The following CYRIB variants were observed in gnomAD, a reference collection of about 807,000 sequenced individuals.
The protein encoded by CYRIB is CYFIP-related Rac1 interactor B.
In CYRIB, 8 loss-of-function variants were observed where a neutral mutation model predicts 44.2. The ratio of observed to expected loss-of-function variants is 0.18; its 90% confidence interval spans 0.11 to 0.33. CYRIB has a LOEUF of 0.33. Among genes scored for constraint, CYRIB ranks in the 10% least tolerant of loss-of-function variants. The pLI, the probability that CYRIB is intolerant of heterozygous loss-of-function variation, is 1.00. For synonymous variants in CYRIB, 131 were observed against 127.2 expected, an observed-to-expected ratio of 1.03 and a Z score of -0.20; for missense variants, 185 against 382.8, an observed-to-expected ratio of 0.48 and a Z score of 4.31.
intron 1 of CYRIB, among the ~76,000 whole-genome samples, chr8:129,928,424 T>C (rs992213427): frequency 2.7e-5 from 4 of 149,730 alleles, no homozygotes; most frequent in African/African-American, 7.4e-5. Context: ...ATACAAAATA[T>C]ATAAAGAACT....
chr8:129,871,180 T>C (rs1294880478), intron 4 of CYRIB, among the ~76,000 whole-genome samples, 195 bp downstream of exon 6: 2 of 152,218 alleles, frequency 1.3e-5, no homozygotes, highest in African/African-American at 4.8e-5. Context: ...TTACAAAAAC[T>C]ACCTATTTAT....
chr8:129,935,303 T>C (rs1455582800), intron 1 of CYRIB, among the ~76,000 whole-genome samples: 1 of 152,228 alleles, frequency 6.6e-6, no homozygotes, highest in Non-Finnish European at 1.5e-5. Context: ...TGGTCCCCAA[T>C]CTTTTTGGGA....
chr8:129,880,299 G>T, intron 2 of CYRIB: 1 of 734,664 alleles, frequency 1.4e-6, no homozygotes, highest in Non-Finnish European at 1.7e-6. Context: ...ATTCTGGCTG[G>T]CCTTCACTGT....
chr8:129,841,410 AACAT>A (rs1357218990), exon 12 of CYRIB: 4 of 152,636 alleles, frequency 2.6e-5, no homozygotes, highest in Middle Eastern at 3.2e-3. Context: ...ATTCCATAAA[AACAT>A]ACATGGGGAA....
intron 1 of CYRIB, among the ~76,000 whole-genome samples, chr8:129,936,670 T>C (rs2092846278): frequency 6.6e-6 from 1 of 151,154 alleles, no homozygotes; most frequent in South Asian, 2.1e-4. Flanking sequence ...CACCCAAAGA[T>C]CTCAAAGCAA....
rs562853752 is a variant in CYRIB at position 130,008,092 on chromosome 8, C to T, written c.-296+8278G>A. Among the ~76,000 whole-genome samples the T allele has an allele frequency of 5.9e-5, 9 of 152,082 alleles. No homozygotes were observed. In the South Asian group the frequency reaches 1.9e-3, roughly 32 times the overall value. ...GGTATGGTTGCGGGCGCCTGTAGTC[C>T]CAGCTACTCGGGAGGCTGAGGCAGG... On this transcript the variant is annotated intron_variant, in intron 1 of 14. Transcript: ENST00000401979.
At chr8:129,945,671 C>T (rs554106954) in intron 2 of CYRIB, among the ~76,000 whole-genome samples, 1 of 152,276 alleles carries the variant, frequency 6.6e-6, no homozygotes, top group South Asian at 2.1e-4. Context: ...CGAGTTCAAG[C>T]GACTTTCCTG....
intron 1 of CYRIB, among the ~76,000 whole-genome samples, chr8:130,014,288 G>C (rs909551063): frequency 2.0e-5 from 3 of 152,156 alleles, no homozygotes; most frequent in African/African-American, 7.2e-5. Flanking sequence ...AAATTAGTTG[G>C]GCATGGTGGT....
intron 1 of CYRIB, among the ~76,000 whole-genome samples, chr8:129,908,909 A>C (rs2076731092): frequency 6.6e-6 from 1 of 152,194 alleles, no homozygotes; most frequent in Admixed American, 6.5e-5. Flanking sequence ...TTAATACTAA[A>C]TATTAATACA....
At chr8:129,918,767 G>A (rs2082038111) in intron 1 of CYRIB, among the ~76,000 whole-genome samples, 1 of 152,128 alleles carries the variant, frequency 6.6e-6, no homozygotes, top group South Asian at 2.1e-4. Context: ...CTGAATGAGT[G>A]AATAAGCAAA....
At chr8:130,014,132 C>T (rs1281678711) in intron 1 of CYRIB, among the ~76,000 whole-genome samples, 2 of 152,140 alleles carry the variant, frequency 1.3e-5, no homozygotes, top group African/African-American at 4.8e-5. Context: ...GGCCACTCCA[C>T]AGTTCAGTCA....
At chr8:129,898,479 G>A (rs1393945370) in intron 2 of CYRIB, among the ~76,000 whole-genome samples, 1 of 152,212 alleles carries the variant, frequency 6.6e-6, no homozygotes, top group Non-Finnish European at 1.5e-5. Flanking sequence ...AGGAAAAGAA[G>A]ACGGATGTTA....
chr8:129,849,203 G>A (rs1329383355), intron 10 of CYRIB, 40 bp downstream of exon 12: 1 of 1,537,764 alleles, frequency 6.5e-7, no homozygotes, highest in Non-Finnish European at 8.7e-7. Context: ...TTTCCATGGA[G>A]AAACTCGTTT....
chr8:129,986,141 T>C (rs1336502282), intron 1 of CYRIB, among the ~76,000 whole-genome samples: 2 of 152,174 alleles, frequency 1.3e-5, no homozygotes, highest in East Asian at 3.9e-4. Context: ...CCATCACCCC[T>C]GAGCACTGGT....
chr8:129,879,509 T>C (rs758830043), intron 2 of CYRIB, 38 bp from the exon 5 acceptor site: 1 of 1,415,276 alleles, frequency 7.1e-7, no homozygotes, highest in South Asian at 1.2e-5. Flanking sequence ...AAATATCCCT[T>C]TATAAAAAAG....
intron 2 of CYRIB, among the ~76,000 whole-genome samples, chr8:129,899,985 C>T (rs1589125072): frequency 6.6e-6 from 1 of 152,258 alleles, no homozygotes; most frequent in South Asian, 2.1e-4. Context: ...GTTTCCTTAA[C>T]ATTAGTAACT....
At position 129,866,179 on chromosome 8, in the gene CYRIB, T is replaced by C. The variant is rs184437682; in HGVS notation, c.196-3845A>G. On this transcript the variant is annotated intron_variant, in intron 4 of 11. Transcript: ENST00000519824. ...TCAAACTACCCTAAAATCCTTATCATTCAACAAAGCTGGAACATCAGGTAT... is the reference window on the plus strand; with the variant it reads ...TCAAACTACCCTAAAATCCTTATCACTCAACAAAGCTGGAACATCAGGTAT... 4.6e-4 allele frequency among the ~76,000 whole-genome samples: 70 copies of C among 152,316 alleles called. No individual in the cohort carries two copies. The South Asian group carries it at 0.01, about 22-fold the overall frequency.
At chr8:129,906,133 C>T (rs867661831) in intron 1 of CYRIB, among the ~76,000 whole-genome samples, 31 of 152,100 alleles carry the variant, frequency 2.0e-4, no homozygotes, top group African/African-American at 5.5e-4. Flanking sequence ...AAAAAGAGCC[C>T]GCATCACCAA....
intron 2 of CYRIB, among the ~76,000 whole-genome samples, chr8:129,964,147 C>T (rs760736524): frequency 8.5e-5 from 13 of 152,196 alleles, no homozygotes; most frequent in Non-Finnish European, 1.8e-4. Context: ...AGAAGAAAGG[C>T]CCCTAAAGGT....
Sources: gnomAD v4.1 joint callset for allele counts (sites outside exome capture counted in the v4.1 genomes callset) on GRCh38, gnomAD v4.1.1 for gene constraint, MANE v1.5 for transcripts, NCBI Gene and HGNC (gene_info 2026-07-23, HGNC 2026-07-21) for gene names.